The following A1CF variants were observed in gnomAD, a reference collection of about 807,000 sequenced individuals.
The protein encoded by A1CF is APOBEC-1 stimulating protein.
Under a neutral mutation model 68.9 loss-of-function variants are expected in A1CF, and 48 were observed. The observed-to-expected ratio is 0.70, with a 90% CI of 0.55 to 0.89. A1CF has a LOEUF of 0.89. A1CF is among the 40% of genes least tolerant of loss of function. The pLI is 0.00. For missense variants in A1CF, 653 were observed against 718.9 expected (o/e 0.91, Z 1.05); for synonymous variants, 272 against 260.4 (o/e 1.04, Z -0.43).
At chr10:50,807,129 T>G (rs1408987411) in intron 12 of A1CF, among the ~76,000 whole-genome samples, 1 of 152,152 alleles carries the variant, frequency 6.6e-6, no homozygotes, top group Non-Finnish European at 1.5e-5. Flanking sequence ...ACTTTATACT[T>G]AAGAGAATTA....
Position 50,836,295 on chromosome 10 carries a change from C to G in A1CF, c.383G>C (p.Gly128Ala). ...NYEIRNGRLLGVCASVDNCRL... is the reference protein window; with the variant it reads ...NYEIRNGRLLAVCASVDNCRL... ...GCAGTTGTCCACACTGGCACAAACC[C>G]CTAAGAGGCGCCCATTTCTGCAAAA... The change falls in exon 6 of 13, where the codon GGG becomes GCG. Residue 128 changes from glycine to alanine, a missense_variant. Transcript: ENST00000373997. The G allele has an allele frequency of 6.2e-7, 1 of 1,612,122 alleles. No homozygotes were observed. The highest frequency in any genetic ancestry group is 8.5e-7 in the Non-Finnish European group (1 of 1,179,398).
chr10:50,832,779 C>T (rs952136448), intron 6 of A1CF, among the ~76,000 whole-genome samples: 1 of 152,068 alleles, frequency 6.6e-6, no homozygotes, highest in Admixed American at 6.6e-5. Flanking sequence ...TTTAACAATA[C>T]ACTCTCCTCT....
chr10:50,814,359 G>T (rs1414679979), intron 9 of A1CF, among the ~76,000 whole-genome samples: 1 of 151,926 alleles, frequency 6.6e-6, no homozygotes, highest in Non-Finnish European at 1.5e-5. Flanking sequence ...TTGTCTTTAG[G>T]TAACCTTGAT....
intron 3 of A1CF, chr10:50,850,821 A>G (rs1382369040): frequency 6.2e-7 from 1 of 1,603,530 alleles, no homozygotes; most frequent in African/African-American, 1.3e-5. Context: ...TCAAGAAGTA[A>G]TTAGGTGACA....
intron 7 of A1CF, among the ~76,000 whole-genome samples, chr10:50,827,705 C>A (rs997673742): frequency 6.6e-6 from 1 of 152,074 alleles, no homozygotes; most frequent in Non-Finnish European, 1.5e-5. Flanking sequence ...AAAATTGACA[C>A]CCTAACATCA....
rs184195910 is a variant in A1CF at position 50,872,756 on chromosome 10, C to T, written c.-93-8676G>A. 1.6e-3 allele frequency among the ~76,000 whole-genome samples: 240 copies of T among 151,984 alleles called. 2 individuals carry two copies. Among genetic ancestry groups the T allele is most frequent in the South Asian group, 3.5e-3 (17 of 4,814 alleles). On this transcript the variant is annotated intron_variant, in intron 1 of 12. Coordinates refer to ENST00000373997, the MANE Select transcript of A1CF (RefSeq NM_014576.4). ...TGGGTGGATTGTCTGATGCTTCACTCGGACACATCAAGGATTGATCCCCTG... is the reference window on the plus strand; with the variant it reads ...TGGGTGGATTGTCTGATGCTTCACTTGGACACATCAAGGATTGATCCCCTG...
chr10:50,817,841 GT>G (rs1409077638), intron 8 of A1CF, among the ~76,000 whole-genome samples: 11 of 152,156 alleles, frequency 7.2e-5, no homozygotes, highest in Middle Eastern at 3.4e-3. Context: ...TAGTTATTTG[GT>G]TTAGATATTT....
At position 50,804,333 on chromosome 10, in the gene A1CF, A is replaced by T. The variant is rs1314746452; in HGVS notation, c.*2396T>A. The T allele has an allele frequency of 4.6e-5, 7 of 152,192 alleles. No homozygotes were observed. The highest frequency in any genetic ancestry group is 9.6e-5 in the African/African-American group (4 of 41,466). 9.4% of individuals were successfully genotyped at this position (152,192 alleles called of 1,614,324 possible). A position where few individuals can be genotyped will look rare whatever the true frequency, so the allele number is the denominator to read the frequency against. On this transcript the variant is annotated 3_prime_UTR_variant, in exon 13 of 13. Coordinates refer to ENST00000373997, the MANE Select transcript of A1CF (RefSeq NM_014576.4). ...AATAATGATTTTTTCTCATAAAAAGATTCATGTATTAACTAATCTTTTCAT... is the reference window on the plus strand; with the variant it reads ...AATAATGATTTTTTCTCATAAAAAGTTTCATGTATTAACTAATCTTTTCAT...
At chr10:50,829,180 T>C (rs1356673737) in intron 6 of A1CF, among the ~76,000 whole-genome samples, 1 of 152,118 alleles carries the variant, frequency 6.6e-6, no homozygotes, top group East Asian at 1.9e-4. Flanking sequence ...AGGATAACTT[T>C]CCCAGGCCTG....
chr10:50,868,550 G>GA (rs369235905), intron 1 of A1CF, among the ~76,000 whole-genome samples: 2 of 151,504 alleles, frequency 1.3e-5, no homozygotes, highest in South Asian at 2.1e-4. Context: ...AACAATACTA[G>GA]AAAAAAAACT....
At chr10:50,872,315 C>T (rs1390425327) in intron 1 of A1CF, among the ~76,000 whole-genome samples, 3 of 152,046 alleles carry the variant, frequency 2.0e-5, no homozygotes, top group Non-Finnish European at 2.9e-5. Context: ...TTCATTTAAT[C>T]CTCATAAAAG....
rs58346460 is a variant in A1CF at position 50,851,545 on chromosome 10, A to G, written c.100-7423T>C. 7.2e-5 allele frequency among the ~76,000 whole-genome samples: 11 copies of G among 152,316 alleles called. No individual in the cohort carries two copies. In the East Asian group the frequency reaches 1.9e-3, roughly 27 times the overall value. ...GGAATATCAGTATCATTTCCCATAA[A>G]TGGTCGGTGATTATAAAAACAATTG... On this transcript the variant is annotated intron_variant, in intron 3 of 12. Coordinates refer to ENST00000373997, the MANE Select transcript of A1CF (RefSeq NM_014576.4).
chr10:50,802,693 G>T lies in A1CF; in HGVS notation c.*4036C>A, dbSNP rs1837648969. The T allele has an allele frequency of 1.3e-5, 2 of 151,898 alleles. No individual in the cohort carries two copies. Among genetic ancestry groups the T allele is most frequent in the Admixed American group, 1.3e-4 (2 of 15,226 alleles). 9.4% of individuals were successfully genotyped at this position (151,898 alleles called of 1,614,324 possible). A position where few individuals can be genotyped will look rare whatever the true frequency, so the allele number is the denominator to read the frequency against. On this transcript the variant is annotated 3_prime_UTR_variant, in exon 13 of 13. Transcript: ENST00000373997. ...TTTAGGAAATCTTAGTGTTAGAGTTGTTCAATAATAATATACTTTATCAAA... is the reference window on the plus strand; with the variant it reads ...TTTAGGAAATCTTAGTGTTAGAGTTTTTCAATAATAATATACTTTATCAAA...
chr10:50,830,131 G>T (rs1256498904), intron 6 of A1CF, among the ~76,000 whole-genome samples: 2 of 152,054 alleles, frequency 1.3e-5, no homozygotes, highest in African/African-American at 4.8e-5. Context: ...TAGATTTGCA[G>T]AAATTATTCA....
At chr10:50,879,387 C>G (rs1190856739) in intron 1 of A1CF, among the ~76,000 whole-genome samples, 1 of 152,138 alleles carries the variant, frequency 6.6e-6, no homozygotes, top group Non-Finnish European at 1.5e-5. Context: ...TTATTTTTAT[C>G]AATGCCTCCA....
chr10:50,801,939 G>A lies in A1CF; in HGVS notation c.*4790C>T, dbSNP rs948078354. 1 of 152,124 alleles carries A rather than the reference G, an allele frequency of 6.6e-6. No individual in the cohort carries two copies. The highest frequency in any genetic ancestry group is 1.5e-5 in the Non-Finnish European group (1 of 68,040). 9.4% of individuals were successfully genotyped at this position (152,124 alleles called of 1,614,324 possible). A position where few individuals can be genotyped will look rare whatever the true frequency, so the allele number is the denominator to read the frequency against. ...ATAAAGTTTGCAATCTCCCACAAAT[G>A]AGCCTACATATACATTGCTATCTAT... On this transcript the variant is annotated 3_prime_UTR_variant, in exon 13 of 13. Coordinates refer to ENST00000373997, the MANE Select transcript of A1CF (RefSeq NM_014576.4).
intron 7 of A1CF, among the ~76,000 whole-genome samples, chr10:50,827,278 C>A (rs1011912684): frequency 6.6e-6 from 1 of 151,926 alleles, no homozygotes; most frequent in Non-Finnish European, 1.5e-5. Flanking sequence ...CTGCACCAAG[C>A]GGACCTAATA....
chr10:50,840,754 T>G (rs969545882), intron 5 of A1CF, among the ~76,000 whole-genome samples: 3 of 152,182 alleles, frequency 2.0e-5, no homozygotes, highest in Admixed American at 1.3e-4. Context: ...GACAGTCACC[T>G]TCTCAACACC....
At chr10:50,850,604 G>A (rs781781905) in intron 3 of A1CF, 1 of 1,585,462 alleles carries the variant, frequency 6.3e-7, no homozygotes. Flanking sequence ...GTGTGTGTGT[G>A]TGTGTTTCTG....
Sources: allele counts gnomAD v4.1 joint callset (sites outside exome capture counted in the v4.1 genomes callset), GRCh38; gene constraint gnomAD v4.1.1; transcripts MANE v1.5; gene names NCBI Gene and HGNC (gene_info 2026-07-23, HGNC 2026-07-21).